Variants in BABAM2 observed in about 807,000 individuals in gnomAD.
BABAM2 encodes the protein BRISC and BRCA1 A complex member 2, also known as BRISC and BRCA1-A complex member 2.
In BABAM2, 31 loss-of-function variants were observed where a neutral mutation model predicts 54.7. The ratio of observed to expected loss-of-function variants is 0.57; its 90% CI spans 0.43 to 0.77. The LOEUF (loss-of-function observed/expected upper bound fraction) is 0.77, where lower values mean the gene tolerates loss of function less well. Ranked by LOEUF, BABAM2 falls within the 30% of genes least tolerant of loss-of-function variation. The probability of loss-of-function intolerance (pLI) is 0.00; values close to 1 mark genes in which losing one functional copy is unlikely to be tolerated. For synonymous variants in BABAM2, 167 were observed against 162.9 expected (o/e 1.03, Z -0.19); for missense variants, 364 against 455.8 (o/e 0.80, Z 1.83).
intron 7 of BABAM2, among the ~76,000 whole-genome samples, chr2:28,233,669 G>T (rs140583269): frequency 2.6e-5 from 4 of 152,268 alleles, no homozygotes; most frequent in South Asian, 2.1e-4. Flanking sequence ...GTGAAATGAC[G>T]TCCTTTAAAA....
chr2:28,248,566 A>G (rs1683123383), intron 10 of BABAM2, among the ~76,000 whole-genome samples: 2 of 152,082 alleles, frequency 1.3e-5, no homozygotes, highest in Admixed American at 6.5e-5. Flanking sequence ...AGGCGAAGTA[A>G]CAGAACAAAA....
intron 6 of BABAM2, among the ~76,000 whole-genome samples, chr2:28,052,583 C>T (rs182011229): frequency 5.3e-5 from 8 of 152,074 alleles, no homozygotes; most frequent in Non-Finnish European, 8.8e-5. Context: ...CCACCACACC[C>T]GGCCGTAATC....
At chr2:28,076,477 TTTATTTAGTTAG>T (rs1328610675) in intron 6 of BABAM2, among the ~76,000 whole-genome samples, 2 of 148,190 alleles carry the variant, frequency 1.3e-5, no homozygotes, top group South Asian at 2.1e-4. Flanking sequence ...TATTTATTTA[TTTATTTAGTTAG>T]TTAGTTAGTT....
At chr2:27,913,600 T>TAC (rs1666760136) in intron 2 of BABAM2, among the ~76,000 whole-genome samples, 1 of 152,116 alleles carries the variant, frequency 6.6e-6, no homozygotes, top group Admixed American at 6.5e-5. Flanking sequence ...TACATATATA[T>TAC]ACACACACCA....
At chr2:28,219,482 G>A (rs1191855302) in intron 7 of BABAM2, among the ~76,000 whole-genome samples, 3 of 152,182 alleles carry the variant, frequency 2.0e-5, no homozygotes, top group Admixed American at 6.5e-5. Context: ...TCCTCATGTC[G>A]GGGTCCTTAA....
chr2:28,139,987 AAC>A (rs34805099), intron 7 of BABAM2, among the ~76,000 whole-genome samples: 2,036 of 152,250 alleles, frequency 0.013, 45 homozygotes, highest in African/African-American at 0.047. Flanking sequence ...CTTGCTTAAA[AAC>A]AGAGTTTATT....
chr2:28,026,539 A>T (rs1675679587), intron 5 of BABAM2, among the ~76,000 whole-genome samples: 1 of 151,026 alleles, frequency 6.6e-6, no homozygotes, highest in South Asian at 2.1e-4. Flanking sequence ...CAGTGAGAAC[A>T]CATGGACACA....
chr2:27,902,092 C>T (rs889946634), intron 2 of BABAM2, among the ~76,000 whole-genome samples: 1 of 152,112 alleles, frequency 6.6e-6, no homozygotes, highest in Non-Finnish European at 1.5e-5. Flanking sequence ...TTGACTGTTA[C>T]ACTGTTTAAA....
At chr2:28,076,458 A>ATATTTATT (rs1005529042) in intron 6 of BABAM2, among the ~76,000 whole-genome samples, 1,443 of 140,090 alleles carry the variant, frequency 0.01, 15 homozygotes, top group African/African-American at 0.035. Context: ...TTTTTATTTT[A>ATATTTATT]TATTTATTTA....
chr2:28,294,708 G>C (rs969576561), intron 10 of BABAM2, among the ~76,000 whole-genome samples: 3 of 152,112 alleles, frequency 2.0e-5, no homozygotes, highest in African/African-American at 7.2e-5. Context: ...CTTATGCATA[G>C]AACATTTTAA....
chr2:28,044,023 T>A (rs952776349), intron 5 of BABAM2, among the ~76,000 whole-genome samples: 3 of 152,196 alleles, frequency 2.0e-5, no homozygotes, highest in African/African-American at 7.2e-5. Context: ...CAATTCTCAT[T>A]TCCGCCTTGT....
chr2:28,108,218 C>T lies in BABAM2; in HGVS notation c.571-21053C>T, dbSNP rs1468042538. ...AGACCCAAGAAACCTAGCTTAAAGG[C>T]CCAACCTAGTCTGCTATCTTAATTG... is the stretch of plus-strand genomic sequence containing the variant. On this transcript the variant is annotated intron_variant, in intron 6 of 11. Transcript: ENST00000379624. Among the ~76,000 whole-genome samples the T allele has an allele frequency of 2.0e-5, 3 of 152,118 alleles. No homozygotes were observed. The East Asian group carries it at 5.8e-4, about 29-fold the overall frequency.
At chr2:28,020,902 G>T (rs1675195055) in intron 4 of BABAM2, among the ~76,000 whole-genome samples, 1 of 150,360 alleles carries the variant, frequency 6.7e-6, no homozygotes, top group Admixed American at 6.7e-5. Flanking sequence ...CCAGAAATAA[G>T]ATTTCTAGAG....
At chr2:28,281,606 G>C (rs1039847886) in intron 10 of BABAM2, among the ~76,000 whole-genome samples, 1 of 152,192 alleles carries the variant, frequency 6.6e-6, no homozygotes, top group African/African-American at 2.4e-5. Flanking sequence ...CAATCTGATG[G>C]TGAATGGGGA....
chr2:28,314,171 A>T (rs1301747287), intron 11 of BABAM2, among the ~76,000 whole-genome samples: 2 of 152,232 alleles, frequency 1.3e-5, no homozygotes, highest in Non-Finnish European at 2.9e-5. Flanking sequence ...AATGTATTGA[A>T]TAATTATAGT....
intron 4 of BABAM2, 90 bp from the exon 5 acceptor site, chr2:28,025,136 C>G (rs180786229): frequency 2.9e-5 from 35 of 1,196,276 alleles, no homozygotes; most frequent in African/African-American, 9.2e-5. Flanking sequence ...TTCTATTACT[C>G]TTTTCCTCTA....
intron 2 of BABAM2, among the ~76,000 whole-genome samples, chr2:27,918,502 G>C (rs1371819582): frequency 6.6e-6 from 1 of 151,956 alleles, no homozygotes; most frequent in Admixed American, 6.6e-5. Flanking sequence ...ATAATGTATA[G>C]TACTACATTT....
chr2:28,116,924 G>A (rs762909585), intron 6 of BABAM2, among the ~76,000 whole-genome samples: 3 of 152,172 alleles, frequency 2.0e-5, no homozygotes, highest in African/African-American at 7.2e-5. Context: ...CATCATATTC[G>A]TGTAGTTGTT....
intron 11 of BABAM2, among the ~76,000 whole-genome samples, chr2:28,324,228 G>A (rs1164535320): frequency 2.6e-5 from 4 of 152,134 alleles, no homozygotes; most frequent in African/African-American, 9.7e-5. Flanking sequence ...ATGAGGTTTG[G>A]GATGGGAGAG....
Sources: gnomAD v4.1 joint callset for allele counts (sites outside exome capture counted in the v4.1 genomes callset) on GRCh38, gnomAD v4.1.1 for gene constraint, MANE v1.5 for transcripts, NCBI Gene and HGNC (gene_info 2026-07-23, HGNC 2026-07-21) for gene names.